Variants in TMED3 observed in about 807,000 individuals in gnomAD.
TMED3 encodes the protein transmembrane p24 trafficking protein 3.
A neutral mutation model predicts 15.0 loss-of-function variants in TMED3; 9 were observed. The observed-to-expected ratio is 0.60, with a 90% CI of 0.36 to 1.04. The LOEUF is 1.04. TMED3 is among the 50% of genes least tolerant of loss of function. The pLI, the probability that TMED3 is intolerant of heterozygous loss-of-function variation, is 0.01. For missense variants in TMED3, 267 were observed against 278.9 expected (o/e 0.96, Z 0.30); for synonymous variants, 117 against 121.4 (o/e 0.96, Z 0.24).
intron 2 of TMED3, among the ~76,000 whole-genome samples, chr15:79,330,386 AACT>A (rs150555467): frequency 0.18 from 27,345 of 152,104 alleles, 2,431 homozygotes; most frequent in Admixed American, 0.24. Flanking sequence ...TATATATACA[AACT>A]ACAACCTAGC....
chr15:79,335,618 G>A (rs2058824392), intron 2 of TMED3, among the ~76,000 whole-genome samples: 2 of 151,762 alleles, frequency 1.3e-5, no homozygotes, highest in South Asian at 2.1e-4. Flanking sequence ...GAAAGGAAAG[G>A]GGCCATCACA....
Position 79,342,057 on chromosome 15 carries a change from TG to T in TMED3, c.417+28057del, listed in dbSNP as rs1189942808. Among the ~76,000 whole-genome samples the T allele has an allele frequency of 2.0e-5, 3 of 152,186 alleles. No homozygotes were observed. In the East Asian group the frequency reaches 5.8e-4, roughly 29 times the overall value. On this transcript the variant is annotated intron_variant, in intron 2 of 2. Coordinates refer to the TMED3 transcript ENST00000424155. The stretch of plus-strand genomic sequence containing the variant: ...GATGAGAAAAACTAAAAAACGTGGA[TG>T]GGGGCAGATGAAAATTATGACTAAA...
exon 3 of TMED3, chr15:79,413,355 A>C (rs1437501827): frequency 6.6e-6 from 1 of 152,220 alleles, no homozygotes; most frequent in Non-Finnish European, 1.5e-5. Flanking sequence ...TCTGTGATCC[A>C]CCCAATTATT....
intron 2 of TMED3, among the ~76,000 whole-genome samples, chr15:79,409,610 T>A (rs1317058986): frequency 6.6e-6 from 1 of 152,236 alleles, no homozygotes; most frequent in Non-Finnish European, 1.5e-5. Context: ...ACATCTCTTT[T>A]AAAAAGAATA....
At chr15:79,361,712 A>T (rs201747957) in intron 2 of TMED3, among the ~76,000 whole-genome samples, 1 of 8,720 alleles carries the variant, frequency 1.1e-4, no homozygotes, top group African/African-American at 1.2e-4. Context: ...GAAATAAAAA[A>T]ATTAAAAAAA....
intron 2 of TMED3, among the ~76,000 whole-genome samples, chr15:79,368,967 C>T (rs12442005): frequency 0.11 from 16,859 of 151,748 alleles, 1,318 homozygotes; most frequent in East Asian, 0.4. Context: ...TGGTGGCACA[C>T]GGCTGTAATC....
At chr15:79,401,347 G>A (rs1244726051) in intron 2 of TMED3, among the ~76,000 whole-genome samples, 1 of 152,118 alleles carries the variant, frequency 6.6e-6, no homozygotes, top group Non-Finnish European at 1.5e-5. Context: ...TAGAAAAGAA[G>A]GAAAGATAAG....
intron 2 of TMED3, among the ~76,000 whole-genome samples, chr15:79,329,604 C>T (rs1363749611): frequency 1.3e-5 from 2 of 152,180 alleles, no homozygotes; most frequent in South Asian, 2.1e-4. Context: ...GCAGAGGTGG[C>T]CTGGCAGGCC....
intron 2 of TMED3, among the ~76,000 whole-genome samples, chr15:79,394,547 G>A (rs2141254950): frequency 6.6e-6 from 1 of 152,230 alleles, no homozygotes; most frequent in East Asian, 1.9e-4. Context: ...TCCAGTCTGA[G>A]TTTTCATTCT....
intron 2 of TMED3, among the ~76,000 whole-genome samples, chr15:79,402,814 AG>A (rs745557942): frequency 6.6e-6 from 1 of 151,904 alleles, no homozygotes; most frequent in African/African-American, 2.4e-5. Flanking sequence ...AAAAATAAAA[AG>A]GGGGGCCAAG....
intron 2 of TMED3, among the ~76,000 whole-genome samples, chr15:79,395,036 GACTT>G (rs1893745386): frequency 6.6e-6 from 1 of 152,062 alleles, no homozygotes; most frequent in African/African-American, 2.4e-5. Flanking sequence ...GATATAGTTG[GACTT>G]ATTTCTCTCT....
chr15:79,370,778 G>A (rs994271717), intron 2 of TMED3, among the ~76,000 whole-genome samples: 1 of 152,178 alleles, frequency 6.6e-6, no homozygotes, highest in Non-Finnish European at 1.5e-5. Context: ...AAATGGGAGG[G>A]AATGTTGTTG....
At chr15:79,321,838 C>G in intron 2 of TMED3, 140 bp from the exon 3 acceptor site, 1 of 1,081,124 alleles carries the variant, frequency 9.2e-7, no homozygotes, top group South Asian at 1.6e-5. Context: ...TTAAATAAAA[C>G]CACGTAAAAC....
intron 2 of TMED3, among the ~76,000 whole-genome samples, chr15:79,381,688 G>A (rs897904138): frequency 1.3e-5 from 2 of 152,162 alleles, no homozygotes; most frequent in Non-Finnish European, 2.9e-5. Context: ...CACCTGGCTT[G>A]GTCTTATTAG....
At chr15:79,407,768 C>T (rs7163087) in intron 2 of TMED3, among the ~76,000 whole-genome samples, 5,051 of 152,254 alleles carry the variant, frequency 0.033, 264 homozygotes, top group African/African-American at 0.11. Flanking sequence ...CATTTTTTAC[C>T]TGACCCCTGA....
At position 79,312,718 on chromosome 15, in the gene TMED3, A is replaced by C. The variant is rs77986817; in HGVS notation, c.169-1039A>C. 4.7e-4 allele frequency among the ~76,000 whole-genome samples: 72 copies of C among 152,020 alleles called. 3 individuals carry two copies. In the East Asian group the frequency reaches 0.012, roughly 26 times the overall value. On this transcript the variant is annotated intron_variant, in intron 1 of 2. Transcript: ENST00000299705. ...AGTTTGAACTAAATGATTCCCAAAG[A>C]CTCTTCCACCGCTGACACTCAGAAA...
intron 2 of TMED3, among the ~76,000 whole-genome samples, chr15:79,320,471 G>A (rs961971383): frequency 4.0e-5 from 6 of 151,814 alleles, no homozygotes; most frequent in Non-Finnish European, 8.8e-5. Flanking sequence ...CTCTTGCCTC[G>A]GCACCTGGGT....
intron 2 of TMED3, among the ~76,000 whole-genome samples, chr15:79,331,542 C>CAAAAAAAAAAAAAAAAAAAAGAA (rs71451761): frequency 1.1e-5 from 1 of 89,254 alleles, no homozygotes; most frequent in African/African-American, 4.9e-5. Context: ...GCAAAAGAAG[C>CAAAAAAAAAAAAAAAAAAAAGAA]AAAAAAAAAA....
chr15:79,408,965 A>C (rs1202673852), intron 2 of TMED3, among the ~76,000 whole-genome samples: 1 of 152,222 alleles, frequency 6.6e-6, no homozygotes, highest in Non-Finnish European at 1.5e-5. Context: ...AATTAGAAAG[A>C]TACAAGAAAA....
Sources: gnomAD v4.1 joint callset for allele counts (sites outside exome capture counted in the v4.1 genomes callset) on GRCh38, gnomAD v4.1.1 for gene constraint, MANE v1.5 for transcripts, NCBI Gene and HGNC (gene_info 2026-07-23, HGNC 2026-07-21) for gene names.